The following CCDC63 variants were observed in gnomAD, a reference collection of about 807,000 sequenced individuals.
CCDC63 encodes the protein coiled-coil domain containing 63.
CCDC63 carries 54 observed loss-of-function variants against 63.6 expected under a neutral mutation model. The ratio of observed to expected loss-of-function variants is 0.85; its 90% CI spans 0.68 to 1.07. The LOEUF (loss-of-function observed/expected upper bound fraction) is 1.07, where lower values mean the gene tolerates loss of function less well. CCDC63 is among the 50% of genes least tolerant of loss of function. The probability of loss-of-function intolerance (pLI) is 0.00; values close to 1 mark genes in which losing one functional copy is unlikely to be tolerated. For synonymous variants in CCDC63, 253 were observed against 266.1 expected (o/e 0.95, Z 0.48); for missense variants, 637 against 689.6 (o/e 0.92, Z 0.86).
chr12:110,858,549 G>A (rs768662428), intron 3 of CCDC63, 37 bp from the exon 4 acceptor site: 2 of 1,574,330 alleles, frequency 1.3e-6, no homozygotes, highest in Admixed American at 1.8e-5. Flanking sequence ...GTTAAACTTA[G>A]GGGTTTGGGG....
chr12:110,867,878 G>C (rs1304331518), intron 4 of CCDC63, among the ~76,000 whole-genome samples: 1 of 150,102 alleles, frequency 6.7e-6, no homozygotes, highest in African/African-American at 2.5e-5. Context: ...AGGTGGAGAC[G>C]CTCCTCACTT....
intron 6 of CCDC63, among the ~76,000 whole-genome samples, chr12:110,880,343 C>G (rs866681876): frequency 7.2e-5 from 11 of 152,276 alleles, no homozygotes; most frequent in African/African-American, 2.2e-4. Context: ...CTTAGAGATG[C>G]TAAAATGCCT....
At chr12:110,885,369 T>C (rs1470046348) in intron 8 of CCDC63, among the ~76,000 whole-genome samples, 1 of 152,206 alleles carries the variant, frequency 6.6e-6, no homozygotes, top group Admixed American at 6.5e-5. Flanking sequence ...CTACCTTTGT[T>C]GAACCCATAA....
chr12:110,858,024 T>C lies in CCDC63; in HGVS notation c.180-562T>C, dbSNP rs929588468. The stretch of plus-strand genomic sequence containing the variant: ...AGGAGGCTGAAGCAGGAGAATCGCT[T>C]GAACCTGGAAAGTGGAGGTTGCAGT... On this transcript the variant is annotated intron_variant, in intron 3 of 11. Coordinates refer to ENST00000308208, the MANE Select transcript of CCDC63 (RefSeq NM_152591.3). Among the ~76,000 whole-genome samples the C allele has an allele frequency of 2.0e-5, 3 of 151,916 alleles. No homozygotes were observed. In the East Asian group the frequency reaches 5.8e-4, roughly 29 times the overall value.
At chr12:110,887,862 C>T (rs530599092) in intron 8 of CCDC63, among the ~76,000 whole-genome samples, 4 of 152,068 alleles carry the variant, frequency 2.6e-5, no homozygotes, top group African/African-American at 7.2e-5. Context: ...TCCCAAAATG[C>T]TGGGAATACA....
intron 8 of CCDC63, among the ~76,000 whole-genome samples, chr12:110,887,446 T>C (rs1049147902): frequency 1.3e-5 from 2 of 151,486 alleles, no homozygotes; most frequent in Non-Finnish European, 2.9e-5. Context: ...CTGCAAGCTC[T>C]ATTCTTATAC....
chr12:110,890,647 G>A (rs1397520192), intron 8 of CCDC63, among the ~76,000 whole-genome samples: 4 of 71,156 alleles, frequency 5.6e-5, no homozygotes, highest in East Asian at 3.1e-4. Context: ...ACACACACAC[G>A]CCCATTTACA....
intron 4 of CCDC63, among the ~76,000 whole-genome samples, chr12:110,866,324 T>TTTTTTTTA (rs398021066): frequency 6.8e-6 from 1 of 146,322 alleles, no homozygotes; most frequent in Admixed American, 6.8e-5. Context: ...TTTTTTTTTT[T>TTTTTTTTA]AATTTATTTT....
rs531006648 is a variant in CCDC63, at chr12:110,857,964, G to T, written c.180-622G>T. Among the ~76,000 whole-genome samples the T allele has an allele frequency of 6.6e-5, 10 of 152,096 alleles. No homozygotes were observed. The East Asian group carries it at 1.9e-3, about 29-fold the overall frequency. On this transcript the variant is annotated intron_variant, in intron 3 of 11. Transcript: ENST00000308208. ...CTACTAAAAATACAAAAAGTAACTG[G>T]GCATGGTGGCTTGTGGCTGTAGTCC...
intron 7 of CCDC63, among the ~76,000 whole-genome samples, chr12:110,883,178 C>T (rs185155506): frequency 0.01 from 1,595 of 152,186 alleles, 12 homozygotes; most frequent in Non-Finnish European, 0.014. Flanking sequence ...GCTGGGACTA[C>T]AGGCACATGC....
intron 10 of CCDC63, among the ~76,000 whole-genome samples, chr12:110,900,073 G>T (rs1566140605): frequency 6.6e-6 from 1 of 151,934 alleles, no homozygotes; most frequent in Non-Finnish European, 1.5e-5. Context: ...AATTAGCTGG[G>T]TGTGGTGGTG....
At chr12:110,846,891 C>G (rs2070643123), upstream of CCDC63, 1 of 152,310 alleles carries the variant, frequency 6.6e-6, no homozygotes, top group African/African-American at 2.4e-5. Context: ...CCTGTGCCCT[C>G]CCAGCGGACT....
chr12:110,844,776 C>A (rs1456051125), upstream of CCDC63, among the ~76,000 whole-genome samples: 2 of 152,204 alleles, frequency 1.3e-5, no homozygotes, highest in Middle Eastern at 3.4e-3. Flanking sequence ...GTTACCTGAA[C>A]AAATTGGGAT....
At chr12:110,848,415 G>A (rs1214199846) in intron 1 of CCDC63, among the ~76,000 whole-genome samples, 3 of 152,154 alleles carry the variant, frequency 2.0e-5, no homozygotes, top group East Asian at 1.9e-4. Flanking sequence ...GAATGTAGGA[G>A]CCCATCCCAG....
At position 110,853,529 on chromosome 12, in the gene CCDC63, G is replaced by T. The variant is rs372917745; in HGVS notation, c.134G>T (p.Arg45Leu). ...CAGTTCAGGAAGATGGTGGAAAGCC[G>T]GAAGTCTTTTAAGTTCCGAAACCAG... is the stretch of plus-strand genomic sequence containing the variant. The part of the protein sequence containing the change: ...RQQFRKMVES[R>L]KSFKFRNQQK... Residue 45 changes from arginine to leucine, a missense_variant, in exon 3 of 12, where the codon CGG becomes CTG. Transcript: ENST00000308208. 16 of 1,614,078 alleles carry T rather than the reference G, an allele frequency of 9.9e-6. No individual in the cohort carries two copies. The highest frequency in any genetic ancestry group is 1.4e-5 in the Non-Finnish European group (16 of 1,180,046).
chr12:110,851,418 CT>C (rs1566113425), intron 1 of CCDC63, among the ~76,000 whole-genome samples: 1 of 152,194 alleles, frequency 6.6e-6, no homozygotes, highest in East Asian at 1.9e-4. Flanking sequence ...AACAAAGTCT[CT>C]CTCTTCTTGA....
intron 4 of CCDC63, among the ~76,000 whole-genome samples, chr12:110,867,872 G>A (rs1358739984): frequency 2.0e-5 from 3 of 150,452 alleles, no homozygotes; most frequent in African/African-American, 4.9e-5. Context: ...GCTGCCAGGT[G>A]GAGACGCTCC....
At position 110,853,494 on chromosome 12, in the gene CCDC63, G is replaced by A. The variant is rs114299231; in HGVS notation, c.99G>A (p.Lys33=). The A allele has an allele frequency of 4.3e-5, 69 of 1,614,204 alleles. No homozygotes were observed. The African/African-American group carries it at 7.6e-4, about 18-fold the overall frequency. ...KEQQAEAELR[K]LRQQFRKMVE... ...AGCAGGCGGAGGCAGAGCTCCGGAA[G>A]CTAAGGCAGCAGTTCAGGAAGATGG... The change falls in exon 3 of 12, where the codon AAG becomes AAA. Residue 33 remains lysine (K), a synonymous_variant. Coordinates refer to ENST00000308208, the MANE Select transcript of CCDC63 (RefSeq NM_152591.3).
Position 110,853,447 on chromosome 12 carries a change from C to T in CCDC63, c.52C>T (p.Pro18Ser), listed in dbSNP as rs771151586. ...RRKDSDTPQE[P>S]SEKAKEQQAE... The stretch of plus-strand genomic sequence containing the variant: ...AAAAGACTCCGACACTCCCCAGGAA[C>T]CTTCGGAGAAGGCCAAAGAGCAGCA... Residue 18 changes from proline to serine, a missense_variant, in exon 3 of 12, where the codon CCT becomes TCT. Transcript: ENST00000308208. The T allele has an allele frequency of 3.7e-6, 6 of 1,613,878 alleles. No individual in the cohort carries two copies. The African/African-American group carries it at 8.0e-5, about 22-fold the overall frequency.
Sources: gnomAD v4.1 joint callset for allele counts (sites outside exome capture counted in the v4.1 genomes callset) on GRCh38, gnomAD v4.1.1 for gene constraint, MANE v1.5 for transcripts, NCBI Gene and HGNC (gene_info 2026-07-23, HGNC 2026-07-21) for gene names.